Variants in RYR2 observed in about 807,000 individuals in gnomAD.
RYR2 encodes ryanodine receptor 2.
Under a neutral mutation model 601.1 loss-of-function variants are expected in RYR2, and 227 were observed. The ratio of observed to expected loss-of-function variants is 0.38; its 90% CI spans 0.34 to 0.42. RYR2 has a LOEUF of 0.42. Among genes scored for constraint, RYR2 ranks in the 10% least tolerant of loss-of-function variants. The pLI is 1.00. For synonymous variants in RYR2, 2,223 were observed against 2,175.1 expected (o/e 1.02, Z -0.61); for missense variants, 4,646 against 6,156.5 (o/e 0.75, Z 8.21).
intron 25 of RYR2, among the ~76,000 whole-genome samples, chr1:237,545,999 T>A (rs1220329406): frequency 6.6e-6 from 1 of 150,682 alleles, no homozygotes; most frequent in Non-Finnish European, 1.5e-5. Flanking sequence ...TATATCTATA[T>A]CTATATATTC....
At chr1:237,253,281 A>G (rs1687653569) in intron 1 of RYR2, among the ~76,000 whole-genome samples, 1 of 152,176 alleles carries the variant, frequency 6.6e-6, no homozygotes, top group African/African-American at 2.4e-5. Flanking sequence ...GGATGAAGTG[A>G]CAGGTGAGTT....
At chr1:237,326,089 A>C (rs1289457587) in intron 2 of RYR2, among the ~76,000 whole-genome samples, 1 of 152,208 alleles carries the variant, frequency 6.6e-6, no homozygotes, top group East Asian at 1.9e-4. Flanking sequence ...TGAGTTAGGC[A>C]GATACAACTC....
At chr1:237,682,489 T>A (rs573388052) in intron 62 of RYR2, among the ~76,000 whole-genome samples, 3 of 152,334 alleles carry the variant, frequency 2.0e-5, no homozygotes, top group South Asian at 2.1e-4. Flanking sequence ...CTAATTTTTT[T>A]AGATATGTTT....
chr1:237,495,357 C>T (rs1275693093), intron 19 of RYR2, among the ~76,000 whole-genome samples: 1 of 152,144 alleles, frequency 6.6e-6, no homozygotes, highest in Admixed American at 6.5e-5. Flanking sequence ...CCACACTGTG[C>T]TGGAAAAATG....
chr1:237,244,795 G>A (rs1206318164), intron 1 of RYR2, among the ~76,000 whole-genome samples: 2 of 118,606 alleles, frequency 1.7e-5, no homozygotes, highest in Non-Finnish European at 3.4e-5. Flanking sequence ...TGAGCCCCGG[G>A]TATTTACCCC....
At chr1:237,703,463 T>C (rs756843496) in intron 66 of RYR2, among the ~76,000 whole-genome samples, 1 of 151,382 alleles carries the variant, frequency 6.6e-6, no homozygotes, top group Non-Finnish European at 1.5e-5. Flanking sequence ...TTTCTATTCA[T>C]GTATTGTCAT....
At chr1:237,799,514 G>A (rs1010456707) in intron 97 of RYR2, among the ~76,000 whole-genome samples, 1 of 108,418 alleles carries the variant, frequency 9.2e-6, no homozygotes. Context: ...GTAACTGTTT[G>A]TAAGTAAGTT....
chr1:237,611,075 G>A, intron 36 of RYR2, 87 bp downstream of exon 36: 1 of 1,119,896 alleles, frequency 8.9e-7, no homozygotes, highest in Non-Finnish European at 1.3e-6. Context: ...TGCGGGGCAG[G>A]GGTGGTTCTA....
chr1:237,400,720 A>T (rs571102695), intron 10 of RYR2, among the ~76,000 whole-genome samples: 2 of 152,258 alleles, frequency 1.3e-5, no homozygotes, highest in Non-Finnish European at 2.9e-5. Context: ...ACTGAGAAAA[A>T]CTAATAAAGG....
intron 17 of RYR2, 146 bp from the exon 18 acceptor site, chr1:237,491,660 C>G: frequency 1.8e-6 from 1 of 552,418 alleles, no homozygotes; most frequent in Non-Finnish European, 3.3e-6. Flanking sequence ...CCACCTGTCA[C>G]CTATCACAGT....
intron 1 of RYR2, among the ~76,000 whole-genome samples, chr1:237,214,518 C>T (rs1461877736): frequency 6.6e-6 from 1 of 152,130 alleles, no homozygotes; most frequent in African/African-American, 2.4e-5. Flanking sequence ...TCAGCTCTCA[C>T]AGGAATGAAT....
At chr1:237,356,424 T>C (rs1699299197) in intron 4 of RYR2, among the ~76,000 whole-genome samples, 1 of 143,826 alleles carries the variant, frequency 7.0e-6, no homozygotes, top group Non-Finnish European at 1.5e-5. Context: ...TAGAAAGTCA[T>C]AGAACCTTTT....
intron 66 of RYR2, among the ~76,000 whole-genome samples, chr1:237,703,734 C>A (rs1688148681): frequency 6.6e-6 from 1 of 150,830 alleles, no homozygotes; most frequent in Admixed American, 6.6e-5. Context: ...ATGTATGTTT[C>A]TTCCCCTTAG....
intron 2 of RYR2, among the ~76,000 whole-genome samples, chr1:237,298,306 C>T (rs1572516335): frequency 6.6e-6 from 1 of 152,208 alleles, no homozygotes; most frequent in African/African-American, 2.4e-5. Flanking sequence ...GAGTTTCATG[C>T]ATGGACTCTA....
intron 1 of RYR2, among the ~76,000 whole-genome samples, chr1:237,073,827 T>C (rs1357651250): frequency 7.7e-6 from 1 of 129,518 alleles, no homozygotes. Context: ...GCCAAGCTCA[T>C]ACCACTGTAC....
chr1:237,503,346 G>T lies in RYR2; in HGVS notation c.2454G>T (p.Gly818=), dbSNP rs769137517. The T allele has an allele frequency of 6.2e-7, 1 of 1,613,846 alleles. No homozygotes were observed. The highest frequency in any genetic ancestry group is 8.5e-7 in the Non-Finnish European group (1 of 1,179,862). ...HGEFKFLPPP[G]YAPCYEAVLP... is the part of the protein sequence containing the mutation. The stretch of plus-strand genomic sequence containing the variant: ...AATTCAAATTTCTTCCTCCACCTGG[G>T]TATGCTCCTTGTTATGAAGCTGTTC... The change falls in exon 22 of 105, where the codon GGG becomes GGT. Residue 818 remains glycine (G), a synonymous_variant. Coordinates refer to ENST00000366574, the MANE Select transcript of RYR2 (RefSeq NM_001035.3).
At chr1:237,584,865 C>G (rs192627012) in intron 29 of RYR2, among the ~76,000 whole-genome samples, 1 of 151,616 alleles carries the variant, frequency 6.6e-6, no homozygotes, top group South Asian at 2.1e-4. Context: ...AAAAACAAAG[C>G]TAACTCCTAA....
intron 29 of RYR2, among the ~76,000 whole-genome samples, chr1:237,578,355 G>T (rs1477868058): frequency 6.6e-6 from 1 of 152,106 alleles, no homozygotes; most frequent in Non-Finnish European, 1.5e-5. Context: ...TTATGAGCAG[G>T]GTGCTTTGTA....
At position 237,699,296 on chromosome 1, in the gene RYR2, A is replaced by G. The variant is rs564799929; in HGVS notation, c.9128+271A>G. Among the ~76,000 whole-genome samples the G allele has an allele frequency of 3.3e-5, 5 of 152,304 alleles. No homozygotes were observed. The South Asian group carries it at 1.0e-3, about 32-fold the overall frequency. The stretch of plus-strand genomic sequence containing the variant: ...ACTGGTAATGTATCACGCAGGAAAA[A>G]TGGTAATCTGACAACTCTAGAGATC... On this transcript the variant is annotated intron_variant, in intron 64 of 104. Coordinates refer to ENST00000366574, the MANE Select transcript of RYR2 (RefSeq NM_001035.3).
Sources: gnomAD v4.1 joint callset for allele counts (sites outside exome capture counted in the v4.1 genomes callset) on GRCh38, gnomAD v4.1.1 for gene constraint, MANE v1.5 for transcripts, NCBI Gene and HGNC (gene_info 2026-07-23, HGNC 2026-07-21) for gene names.